SAMHD1: variants seen among roughly 807,000 people sequenced by gnomAD.
The protein encoded by SAMHD1 is SAM and HD domain containing deoxynucleoside triphosphate triphosphohydrolase 1, also known as deoxynucleoside triphosphate triphosphohydrolase SAMHD1.
Under a neutral mutation model 79.6 loss-of-function variants are expected in SAMHD1, and 54 were observed. The ratio of observed to expected loss-of-function variants is 0.68; its 90% CI spans 0.55 to 0.85. The LOEUF (loss-of-function observed/expected upper bound fraction) is 0.85, where lower values mean the gene tolerates loss of function less well. SAMHD1 is among the 40% of genes least tolerant of loss of function. The probability of loss-of-function intolerance (pLI) is 0.00; values close to 1 mark genes in which losing one functional copy is unlikely to be tolerated. For synonymous variants in SAMHD1, 260 were observed against 264.1 expected, an observed-to-expected ratio of 0.98 and a Z score of 0.15; for missense variants, 663 against 782.7, an observed-to-expected ratio of 0.85 and a Z score of 1.82.
intron 2 of SAMHD1, among the ~76,000 whole-genome samples, chr20:36,945,052 T>C (rs998869384): frequency 6.6e-6 from 1 of 152,110 alleles, no homozygotes; most frequent in Non-Finnish European, 1.5e-5. Context: ...TACCTACCTA[T>C]CTGAGACAGG....
chr20:36,903,632 C>T (rs1426752912), intron 13 of SAMHD1, among the ~76,000 whole-genome samples: 2 of 149,718 alleles, frequency 1.3e-5, no homozygotes, highest in African/African-American at 4.9e-5. Flanking sequence ...TCACTGCAAC[C>T]TCTGCCTCCT....
chr20:36,933,665 A>G (rs1777535355), intron 4 of SAMHD1, among the ~76,000 whole-genome samples: 1 of 151,812 alleles, frequency 6.6e-6, no homozygotes, highest in Admixed American at 6.6e-5. Context: ...TAATTTTTGT[A>G]TTTTTACTAG....
At chr20:36,910,623 A>G (rs369109473) in intron 11 of SAMHD1, among the ~76,000 whole-genome samples, 1 of 150,810 alleles carries the variant, frequency 6.6e-6, no homozygotes, top group Non-Finnish European at 1.5e-5. Flanking sequence ...TCAGCTACCC[A>G]GGAGACTGAG....
At chr20:36,935,466 C>A in intron 3 of SAMHD1, 1 of 427,832 alleles carries the variant, frequency 2.3e-6, no homozygotes. Context: ...ATGACTTAGT[C>A]TTTAATAAGT....
At chr20:36,920,210 G>A (rs960776753) in intron 6 of SAMHD1, among the ~76,000 whole-genome samples, 1 of 152,092 alleles carries the variant, frequency 6.6e-6, no homozygotes, top group African/African-American at 2.4e-5. Context: ...GAACTCCTGG[G>A]CTCAAGTGAT....
intron 7 of SAMHD1, among the ~76,000 whole-genome samples, chr20:36,919,064 A>G (rs2063491281): frequency 6.6e-6 from 1 of 152,112 alleles, no homozygotes; most frequent in African/African-American, 2.4e-5. Context: ...TGAGCCTGGG[A>G]GGTGGAAGTT....
rs141257917 is a variant in SAMHD1, at chr20:36,934,353, G to A, written c.509+676C>T. On this transcript the variant is annotated intron_variant, in intron 4 of 15. Transcript: ENST00000646673. ...AGCCTGGCCAAGATGGTGAAACCCC[G>A]TCTCTACTAAAATTACTAAAATTAG... Among the ~76,000 whole-genome samples, 253 of 151,272 alleles carry A rather than the reference G, an allele frequency of 1.7e-3. 3 individuals are homozygous for A. Among genetic ancestry groups the A allele is most frequent in the African/African-American group, 5.8e-3 (238 of 41,298 alleles).
chr20:36,930,932 T>C (rs760907185), intron 4 of SAMHD1, 57 bp from the exon 5 acceptor site: 2 of 1,191,144 alleles, frequency 1.7e-6, no homozygotes, highest in African/African-American at 1.5e-5. Context: ...GTGATAGTTC[T>C]GGTCCTCAAG....
chr20:36,945,977 G>C (rs867439233), intron 2 of SAMHD1, among the ~76,000 whole-genome samples: 1 of 151,322 alleles, frequency 6.6e-6, no homozygotes, highest in African/African-American at 2.4e-5. Context: ...CATAGGATTT[G>C]TACAGCGAAA....
intron 5 of SAMHD1, 27 bp from the exon 6 acceptor site, chr20:36,927,279 A>G (rs1356023643): frequency 6.3e-7 from 1 of 1,590,882 alleles, no homozygotes; most frequent in East Asian, 2.2e-5. Context: ...GCCTTAGAAC[A>G]AGAAAAACAT....
intron 2 of SAMHD1, 66 bp from the exon 3 acceptor site, chr20:36,941,177 G>T: frequency 9.3e-7 from 1 of 1,069,692 alleles, no homozygotes; most frequent in Non-Finnish European, 1.4e-6. Flanking sequence ...GCAGTATATA[G>T]TAGACATAAT....
chr20:36,929,235 A>C (rs531489073), intron 5 of SAMHD1, among the ~76,000 whole-genome samples: 1 of 152,136 alleles, frequency 6.6e-6, no homozygotes, highest in South Asian at 2.1e-4. Context: ...AGAATCCATC[A>C]AATTTATCAT....
intron 11 of SAMHD1, among the ~76,000 whole-genome samples, chr20:36,907,862 T>C (rs1442718893): frequency 6.6e-6 from 1 of 152,018 alleles, no homozygotes; most frequent in African/African-American, 2.4e-5. Context: ...TTTTTTTAAC[T>C]TTTATTTTAC....
At chr20:36,936,140 G>T (rs944672506) in intron 3 of SAMHD1, among the ~76,000 whole-genome samples, 1 of 151,940 alleles carries the variant, frequency 6.6e-6, no homozygotes, top group Non-Finnish European at 1.5e-5. Flanking sequence ...TCTAGAGGCT[G>T]AGGTAGGAAG....
chr20:36,930,084 C>T (rs1170885789), intron 5 of SAMHD1, among the ~76,000 whole-genome samples: 1 of 20,784 alleles, frequency 4.8e-5, no homozygotes, highest in Admixed American at 5.5e-4. Context: ...AAAAAAAAGA[C>T]CAAAAAAAAA....
At chr20:36,893,884 G>A (rs180979814) in intron 15 of SAMHD1, 146 of 398,632 alleles carry the variant, frequency 3.7e-4, no homozygotes, top group Middle Eastern at 1.3e-3. Context: ...TCCCATGCCT[G>A]TTGGTTTCCA....
intron 4 of SAMHD1, among the ~76,000 whole-genome samples, chr20:36,932,562 T>G (rs1601142530): frequency 6.8e-6 from 1 of 146,652 alleles, no homozygotes; most frequent in South Asian, 2.2e-4. Context: ...GGATTACAGG[T>G]ACACTCCACC....
chr20:36,892,542 G>A lies in SAMHD1; in HGVS notation c.*390C>T. On this transcript the variant is annotated 3_prime_UTR_variant, in exon 16 of 16. Coordinates refer to ENST00000646673, the MANE Select transcript of SAMHD1 (RefSeq NM_015474.4). ...GTGGTGGCACATGACTTTAGTCCCA[G>A]CTACTTGGGGGGCTGAGGCAGGAGG... is the stretch of plus-strand genomic sequence containing the variant. The A allele has an allele frequency of 3.8e-6, 1 of 265,622 alleles. No individual in the cohort carries two copies. Among genetic ancestry groups the A allele is most frequent in the Non-Finnish European group, 7.3e-6 (1 of 136,446 alleles). The allele number at this position is 265,622 out of a possible 1,614,324, so 16.5% of individuals were successfully genotyped here. A position where few individuals can be genotyped will look rare whatever the true frequency, so the allele number is the denominator to read the frequency against.
In SAMHD1 at chr20:36,890,410, C is replaced by CTTTCTTTCTTTCTTTCTTTCTT. The variant is rs1463826514; in HGVS notation, c.*2521_*2522insAAGAAAGAAAGAAAGAAAGAAA. On this transcript the variant is annotated 3_prime_UTR_variant, in exon 16 of 16. Coordinates refer to ENST00000646673, the MANE Select transcript of SAMHD1 (RefSeq NM_015474.4). ...GATATTTCTTTCTCTTTCTTTCTTT[C>CTTTCTTTCTTTCTTTCTTTCTT]TTTCTTTCTTTTCTTTCTCTCTTTC... 7.3e-5 allele frequency: 11 copies of CTTTCTTTCTTTCTTTCTTTCTT among 149,820 alleles called. No homozygotes were observed. Among genetic ancestry groups the CTTTCTTTCTTTCTTTCTTTCTT allele is most frequent in the African/African-American group, 2.7e-4 (11 of 40,660 alleles). The allele number at this position is 149,820 out of a possible 1,614,324, so 9.3% of individuals were successfully genotyped here. A position where few individuals can be genotyped will look rare whatever the true frequency, so the allele number is the denominator to read the frequency against.
Sources: gnomAD v4.1 joint callset for allele counts (sites outside exome capture counted in the v4.1 genomes callset) on GRCh38, gnomAD v4.1.1 for gene constraint, MANE v1.5 for transcripts, NCBI Gene and HGNC (gene_info 2026-07-23, HGNC 2026-07-21) for gene names.